Variants in MAPKAP1 observed in about 807,000 individuals in gnomAD.
MAPKAP1 encodes the protein target of rapamycin complex 2 subunit MAPKAP1.
In MAPKAP1, 20 loss-of-function variants were observed where a neutral mutation model predicts 65.7. That is an observed-to-expected ratio of 0.30 (90% confidence interval 0.21 to 0.44). The LOEUF (loss-of-function observed/expected upper bound fraction) is 0.44. Among genes scored for constraint, MAPKAP1 ranks in the 20% least tolerant of loss-of-function variants. The pLI is 1.00. For synonymous variants in MAPKAP1, 222 were observed against 244.3 expected, an observed-to-expected ratio of 0.91 and a Z score of 0.85; for missense variants, 423 against 648.0, an observed-to-expected ratio of 0.65 and a Z score of 3.77.
At chr9:125,531,417 G>T (rs1000881142) in intron 7 of MAPKAP1, among the ~76,000 whole-genome samples, 1 of 152,228 alleles carries the variant, frequency 6.6e-6, no homozygotes, top group Non-Finnish European at 1.5e-5. Flanking sequence ...GTATCTGGCA[G>T]ATCACCTGGC....
At chr9:125,511,343 TAA>T (rs1035617485) in intron 7 of MAPKAP1, among the ~76,000 whole-genome samples, 2 of 152,174 alleles carry the variant, frequency 1.3e-5, no homozygotes, top group Non-Finnish European at 2.9e-5. Context: ...CCCTAAGATG[TAA>T]AGAGTTTATA....
At chr9:125,647,828 C>A (rs966688539) in intron 4 of MAPKAP1, among the ~76,000 whole-genome samples, 1 of 151,946 alleles carries the variant, frequency 6.6e-6, no homozygotes, top group South Asian at 2.1e-4. Flanking sequence ...GATGTGTGAA[C>A]GAATCCACTC....
chr9:125,598,978 TAC>T (rs1211209103), intron 4 of MAPKAP1, among the ~76,000 whole-genome samples: 1 of 148,444 alleles, frequency 6.7e-6, no homozygotes, highest in Non-Finnish European at 1.5e-5. Flanking sequence ...AGGCGGAGGT[TAC>T]AGTGAGCCAG....
chr9:125,465,704 G>A lies in MAPKAP1; in HGVS notation c.1345+2268C>T, dbSNP rs1853644946. 3.9e-5 allele frequency among the ~76,000 whole-genome samples: 6 copies of A among 152,222 alleles called. No individual in the cohort carries two copies. In the South Asian group the frequency reaches 1.2e-3, roughly 32 times the overall value. ...CGGAAGCCAGTTCTTGGGTCAGTTA[G>A]TTCACTATGGAGATGGAGGTGGGAG... is the stretch of plus-strand genomic sequence containing the variant. On this transcript the variant is annotated intron_variant, in intron 10 of 11. Transcript: ENST00000265960.
rs527756409 is a variant in MAPKAP1 at position 125,484,531 on chromosome 9, T to C, written c.1119A>G (p.Thr373=). 1.9e-6 allele frequency: 3 copies of C among 1,612,554 alleles called. No individual in the cohort carries two copies. The highest frequency in any genetic ancestry group is 1.7e-5 in the Admixed American group (1 of 59,798). The change falls in exon 9 of 12, where the codon ACA becomes ACG. Residue 373 remains threonine (T), a synonymous_variant. Coordinates refer to ENST00000265960, the MANE Select transcript of MAPKAP1 (RefSeq NM_001006617.3). The part of the protein sequence containing the change: ...FEEDSQIDIA[T]VQDMLSSHHY... ...GGTGGCTGCTAAGCATATCCTGTACTGTGGCTATGTCAATTTGCGAATCCT... is the reference window on the plus strand; with the variant it reads ...GGTGGCTGCTAAGCATATCCTGTACCGTGGCTATGTCAATTTGCGAATCCT...
intron 4 of MAPKAP1, among the ~76,000 whole-genome samples, chr9:125,629,644 A>C (rs1310105618): frequency 1.3e-5 from 2 of 152,240 alleles, no homozygotes; most frequent in African/African-American, 4.8e-5. Flanking sequence ...CAATGGACAT[A>C]AAGTTTCAGT....
chr9:125,497,616 C>T (rs956429345), intron 8 of MAPKAP1, among the ~76,000 whole-genome samples: 1 of 152,214 alleles, frequency 6.6e-6, no homozygotes, highest in African/African-American at 2.4e-5. Flanking sequence ...GATTCATTCA[C>T]CTCCATTTAC....
chr9:125,537,883 C>G (rs971240609), intron 7 of MAPKAP1, among the ~76,000 whole-genome samples: 7 of 152,166 alleles, frequency 4.6e-5, no homozygotes, highest in African/African-American at 1.7e-4. Context: ...GAGACTGACC[C>G]TGCTGCAGCC....
At chr9:125,476,564 G>C (rs933535522) in intron 9 of MAPKAP1, among the ~76,000 whole-genome samples, 1 of 152,208 alleles carries the variant, frequency 6.6e-6, no homozygotes, top group African/African-American at 2.4e-5. Flanking sequence ...AAACTAACAA[G>C]GGAAAATGTT....
intron 4 of MAPKAP1, among the ~76,000 whole-genome samples, chr9:125,609,848 T>C (rs780367957): frequency 6.6e-5 from 10 of 152,244 alleles, no homozygotes; most frequent in Non-Finnish European, 1.3e-4. Context: ...TAAAAATGGC[T>C]ACCATTTACT....
chr9:125,618,341 C>CAAAAAAAAAAAAAAA (rs60166871), intron 4 of MAPKAP1, among the ~76,000 whole-genome samples: 12 of 31,220 alleles, frequency 3.8e-4, no homozygotes, highest in Admixed American at 5.6e-4. Context: ...GGCTCCGTCT[C>CAAAAAAAAAAAAAAA]AAAAAAAAAA....
At chr9:125,602,208 A>C (rs1419331680) in intron 4 of MAPKAP1, among the ~76,000 whole-genome samples, 1 of 152,230 alleles carries the variant, frequency 6.6e-6, no homozygotes, top group East Asian at 1.9e-4. Flanking sequence ...AGCCGTGATC[A>C]CACCACTGCG....
At chr9:125,524,462 A>G (rs888634148) in intron 7 of MAPKAP1, among the ~76,000 whole-genome samples, 2 of 152,160 alleles carry the variant, frequency 1.3e-5, no homozygotes, top group African/African-American at 4.8e-5. Flanking sequence ...GCCATGTTCA[A>G]CTCTCAAGCT....
intron 7 of MAPKAP1, among the ~76,000 whole-genome samples, chr9:125,539,551 T>A (rs1162197270): frequency 6.6e-6 from 1 of 152,244 alleles, no homozygotes; most frequent in Non-Finnish European, 1.5e-5. Flanking sequence ...TAGGAAGGGC[T>A]GATGGTTAAC....
chr9:125,682,799 C>T (rs922001533), intron 1 of MAPKAP1, among the ~76,000 whole-genome samples: 5 of 152,138 alleles, frequency 3.3e-5, no homozygotes, highest in Admixed American at 3.3e-4. Flanking sequence ...CAATTGTCTA[C>T]CAAATATTCA....
chr9:125,517,297 G>T (rs1022442711), intron 7 of MAPKAP1, among the ~76,000 whole-genome samples: 1 of 152,172 alleles, frequency 6.6e-6, no homozygotes, highest in Admixed American at 6.5e-5. Flanking sequence ...GTAGGAAGTT[G>T]ATCTTGAGGG....
intron 7 of MAPKAP1, among the ~76,000 whole-genome samples, chr9:125,528,568 G>T (rs953348703): frequency 6.6e-6 from 1 of 152,154 alleles, no homozygotes; most frequent in East Asian, 1.9e-4. Context: ...TGGAAGGACC[G>T]CCAGGCACAG....
At chr9:125,654,168 C>A (rs1833967392) in intron 4 of MAPKAP1, among the ~76,000 whole-genome samples, 1 of 152,212 alleles carries the variant, frequency 6.6e-6, no homozygotes, top group African/African-American at 2.4e-5. Context: ...GCAAAGCCCA[C>A]TCCCCGATCA....
Position 125,438,816 on chromosome 9 carries a change from T to G in MAPKAP1, c.*71A>C. On this transcript the variant is annotated 3_prime_UTR_variant, in exon 12 of 12. Coordinates refer to ENST00000265960, the MANE Select transcript of MAPKAP1 (RefSeq NM_001006617.3). ...CCCCCGAGGACTTCAGGACACCGGG[T>G]GGACTCTAGGGCACTTGGCCCTGGC... The G allele has an allele frequency of 6.3e-7, 1 of 1,596,252 alleles. No individual in the cohort carries two copies.
Sources: gnomAD v4.1 joint callset for allele counts (sites outside exome capture counted in the v4.1 genomes callset) on GRCh38, gnomAD v4.1.1 for gene constraint, MANE v1.5 for transcripts, NCBI Gene and HGNC (gene_info 2026-07-23, HGNC 2026-07-21) for gene names.